Variants in NPIPB11 observed in about 807,000 individuals in gnomAD.
NPIPB11 encodes the protein nuclear pore complex-interacting protein family member B11.
NPIPB11 carries 17 observed loss-of-function variants against 32.8 expected under a neutral mutation model. The observed-to-expected ratio is 0.52, with a 90% CI of 0.35 to 0.78. The LOEUF is 0.78. Ranked by LOEUF, NPIPB11 falls within the 30% of genes least tolerant of loss-of-function variation. NPIPB11 has a pLI of 0.01. For missense variants in NPIPB11, 537 were observed against 1,000.4 expected (o/e 0.54, Z 6.25); for synonymous variants, 209 against 398.4 (o/e 0.52, Z 5.66).
chr16:29,393,279 C>A (rs1396883129), intron 3 of NPIPB11, among the ~76,000 whole-genome samples: 2 of 151,594 alleles, frequency 1.3e-5, no homozygotes, highest in African/African-American at 4.9e-5. Context: ...CAGAGCAGTT[C>A]TGCCCTTCAC....
At chr16:29,389,464 A>C (rs1267949958) in intron 5 of NPIPB11, among the ~76,000 whole-genome samples, 2 of 148,164 alleles carry the variant, frequency 1.3e-5, no homozygotes, top group Non-Finnish European at 3.0e-5. Context: ...ACCTGAGGTC[A>C]GAAGTTCGAG....
chr16:29,399,872 T>A (rs920700536), intron 2 of NPIPB11, among the ~76,000 whole-genome samples: 14 of 151,522 alleles, frequency 9.2e-5, no homozygotes, highest in African/African-American at 3.4e-4. Context: ...AGGTTAGGAG[T>A]TCGAGACCAG....
Position 29,399,676 on chromosome 16 carries a change from A to C in NPIPB11, c.120+4007T>G, listed in dbSNP as rs4017101. On this transcript the variant is annotated intron_variant, in intron 2 of 7. Coordinates refer to ENST00000524087, the Ensembl canonical transcript of NPIPB11. ...TTGCACCACTGCACTCCAGCCTAGGAGACAGAGCGAGACTCTGTCTCAAAA... is the reference window on the plus strand; with the variant it reads ...TTGCACCACTGCACTCCAGCCTAGGCGACAGAGCGAGACTCTGTCTCAAAA... Among the ~76,000 whole-genome samples the C allele has an allele frequency of 1.5e-3, 230 of 151,174 alleles. 1 individual carries two copies. The highest frequency in any genetic ancestry group is 4.2e-3 in the African/African-American group (170 of 40,828).
intron 2 of NPIPB11, among the ~76,000 whole-genome samples, chr16:29,403,084 T>TC (rs1964036062): frequency 6.9e-6 from 1 of 145,826 alleles, no homozygotes; most frequent in Admixed American, 6.9e-5. Context: ...GGATAATTTT[T>TC]TTTTTTTTTT....
chr16:29,397,471 A>G lies in NPIPB11; in HGVS notation c.121-3395T>C, dbSNP rs1038664732. 5 of 1,259,260 alleles carry G rather than the reference A, an allele frequency of 4.0e-6. No homozygotes were observed. The African/African-American group carries it at 7.7e-5, about 19-fold the overall frequency. 78.0% of individuals were successfully genotyped at this position (1,259,260 alleles called of 1,614,324 possible). A position where few individuals can be genotyped will look rare whatever the true frequency, so the allele number is the denominator to read the frequency against. Reference sequence around the variant, plus strand: ...AGTGATCTGCCCACCTCGGCCCCCTAAAGTGCTGGGATTACAGGCCTGAGC... The same window carrying G: ...AGTGATCTGCCCACCTCGGCCCCCTGAAGTGCTGGGATTACAGGCCTGAGC... On this transcript the variant is annotated intron_variant, in intron 2 of 7. Coordinates refer to ENST00000524087, the Ensembl canonical transcript of NPIPB11.
intron 2 of NPIPB11, among the ~76,000 whole-genome samples, chr16:29,402,861 C>A (rs1964029983): frequency 7.9e-6 from 1 of 126,784 alleles, no homozygotes. Context: ...TTAATTATTA[C>A]TATTGGACTT....
intron 2 of NPIPB11, 62 bp from the exon 3 acceptor site, chr16:29,394,138 A>T (rs2142129808): frequency 1.3e-6 from 2 of 1,566,820 alleles, no homozygotes; most frequent in East Asian, 4.5e-5. Flanking sequence ...TTCACTCAGA[A>T]AGAATCATCC....
intron 1 of NPIPB11, 25 bp from the exon 2 acceptor site, chr16:29,403,865 T>C (rs1296430103): frequency 1.3e-6 from 2 of 1,537,586 alleles, no homozygotes; most frequent in Non-Finnish European, 1.7e-6. Flanking sequence ...AAAAAAAAAG[T>C]GTTGAATGAG....
At chr16:29,402,457 C>A (rs1269695936) in intron 2 of NPIPB11, among the ~76,000 whole-genome samples, 20 of 108,948 alleles carry the variant, frequency 1.8e-4, no homozygotes, top group Admixed American at 7.6e-4. Flanking sequence ...ATAGTCCCAG[C>A]ACTTTGGGAG....
At chr16:29,389,445 A>T (rs1188128308) in intron 5 of NPIPB11, among the ~76,000 whole-genome samples, 1 of 145,292 alleles carries the variant, frequency 6.9e-6, no homozygotes, top group Non-Finnish European at 1.5e-5. Context: ...AGGCTGAGGC[A>T]GGTGGATTAC....
chr16:29,399,252 G>T (rs1211913093), intron 2 of NPIPB11, among the ~76,000 whole-genome samples: 2 of 152,020 alleles, frequency 1.3e-5, no homozygotes, highest in African/African-American at 4.8e-5. Context: ...AACTCACTCA[G>T]GCCTCTGGCA....
At chr16:29,389,438 C>T (rs2142122957) in intron 5 of NPIPB11, among the ~76,000 whole-genome samples, 1 of 141,780 alleles carries the variant, frequency 7.1e-6, no homozygotes, top group East Asian at 2.1e-4. Flanking sequence ...CTTTGGGAGG[C>T]TGAGGCAGGT....
intron 2 of NPIPB11, among the ~76,000 whole-genome samples, chr16:29,397,954 C>T (rs1353053582): frequency 1.1e-5 from 1 of 94,410 alleles, no homozygotes; most frequent in Non-Finnish European, 2.0e-5. Flanking sequence ...AGCAACAGGA[C>T]ACGCGGGGCA....
intron 2 of NPIPB11, among the ~76,000 whole-genome samples, chr16:29,402,902 A>G (rs1486789018): frequency 1.5e-5 from 2 of 136,102 alleles, no homozygotes; most frequent in Non-Finnish European, 3.1e-5. Flanking sequence ...TTCAAAACAA[A>G]TGAAGGAGAA....
chr16:29,399,166 G>A (rs1963929478), intron 2 of NPIPB11, among the ~76,000 whole-genome samples: 1 of 152,044 alleles, frequency 6.6e-6, no homozygotes. Context: ...GACCCCCACT[G>A]TCCATCACCT....
chr16:29,406,653 G>A (rs1006034531), upstream of NPIPB11, among the ~76,000 whole-genome samples: 3 of 152,114 alleles, frequency 2.0e-5, no homozygotes, highest in African/African-American at 7.2e-5. Flanking sequence ...GGCGGAGGTT[G>A]CAGTGAGCCG....
chr16:29,399,145 T>A (rs1219923372), intron 2 of NPIPB11, among the ~76,000 whole-genome samples: 1 of 151,888 alleles, frequency 6.6e-6, no homozygotes, highest in South Asian at 2.1e-4. Flanking sequence ...AGGGGTCTGG[T>A]GACCAGGACA....
rs1045537118 is a variant in NPIPB11 at position 29,397,435 on chromosome 16, G to A, written c.121-3359C>T. ...CATGATGCCCTGGCTAGTCTTCAAC[G>A]CCTGGACTCAAGTGATCTGCCCACC... On this transcript the variant is annotated intron_variant, in intron 2 of 7. Coordinates refer to ENST00000524087, the Ensembl canonical transcript of NPIPB11. 1.1e-4 allele frequency: 108 copies of A among 962,832 alleles called. 2 individuals are homozygous for A. In the South Asian group the frequency reaches 1.4e-3, roughly 12 times the overall value. 59.6% of individuals were successfully genotyped at this position (962,832 alleles called of 1,614,324 possible).
intron 2 of NPIPB11, among the ~76,000 whole-genome samples, chr16:29,401,702 G>T (rs943211173): frequency 6.6e-6 from 1 of 152,170 alleles, no homozygotes; most frequent in African/African-American, 2.4e-5. Context: ...GTGAGTGGAA[G>T]TGAAGTGTGT....
Sources: allele counts gnomAD v4.1 joint callset (sites outside exome capture counted in the v4.1 genomes callset), GRCh38; gene constraint gnomAD v4.1.1; transcripts MANE v1.5; gene names NCBI Gene and HGNC (gene_info 2026-07-23, HGNC 2026-07-21).